Variants in RBMS3 observed in about 807,000 individuals in gnomAD.
RBMS3 encodes the protein RNA-binding motif, single-stranded-interacting protein 3.
Under a neutral mutation model 66.8 loss-of-function variants are expected in RBMS3, and 27 were observed. The observed-to-expected ratio is 0.40, with a 90% CI of 0.30 to 0.56. RBMS3 has a LOEUF of 0.56. RBMS3 is among the 20% of genes least tolerant of loss of function. RBMS3 has a pLI of 0.40. For missense variants in RBMS3, 513 were observed against 549.5 expected, an observed-to-expected ratio of 0.93 and a Z score of 0.66; for synonymous variants, 188 against 183.0, an observed-to-expected ratio of 1.03 and a Z score of -0.22.
chr3:29,349,160 T>C (rs1189995135), intron 1 of RBMS3, among the ~76,000 whole-genome samples: 2 of 152,184 alleles, frequency 1.3e-5, no homozygotes, highest in African/African-American at 4.8e-5. Flanking sequence ...ACATTGATGA[T>C]AGATTTTTCT....
chr3:29,426,566 T>G (rs571424733), intron 1 of RBMS3, among the ~76,000 whole-genome samples: 4 of 152,248 alleles, frequency 2.6e-5, no homozygotes, highest in Non-Finnish European at 4.4e-5. Flanking sequence ...AACAGAATTT[T>G]AATAAAAACT....
At chr3:29,589,145 C>T (rs2047638085) in intron 4 of RBMS3, among the ~76,000 whole-genome samples, 1 of 152,084 alleles carries the variant, frequency 6.6e-6, no homozygotes, top group Non-Finnish European at 1.5e-5. Context: ...TTTATAACTA[C>T]TGGGGAACCA....
At chr3:29,970,572 CTTTG>C (rs770531275) in intron 12 of RBMS3, among the ~76,000 whole-genome samples, 12 of 151,734 alleles carry the variant, frequency 7.9e-5, no homozygotes, top group African/African-American at 1.9e-4. Context: ...AATTTATTTT[CTTTG>C]TTTGAGAATG....
At position 29,451,128 on chromosome 3, in the gene RBMS3, G is replaced by A. The variant is rs150284470; in HGVS notation, c.248+16213G>A. ...GTTGGAATTAATTTCCAGATCCTGCGAATGTTTCTGACATCTTATACTCTT... is the reference window on the plus strand; with the variant it reads ...GTTGGAATTAATTTCCAGATCCTGCAAATGTTTCTGACATCTTATACTCTT... On this transcript the variant is annotated intron_variant, in intron 2 of 14. Coordinates refer to ENST00000383767, the MANE Select transcript of RBMS3 (RefSeq NM_001003793.3). 3.9e-5 allele frequency among the ~76,000 whole-genome samples: 6 copies of A among 152,266 alleles called. No homozygotes were observed. In the East Asian group the frequency reaches 5.8e-4, roughly 15 times the overall value.
intron 6 of RBMS3, among the ~76,000 whole-genome samples, chr3:29,796,553 A>G (rs373973815): frequency 2.0e-5 from 3 of 152,186 alleles, no homozygotes; most frequent in Non-Finnish European, 4.4e-5. Context: ...TTCTAAAACT[A>G]TAAGACTTGA....
intron 3 of RBMS3, among the ~76,000 whole-genome samples, chr3:29,547,849 T>C (rs976067504): frequency 4.7e-4 from 71 of 150,552 alleles, no homozygotes; most frequent in Admixed American, 8.0e-4. Flanking sequence ...TCTCATTCTG[T>C]TTTCCAGGCT....
At chr3:29,802,214 A>C (rs1559686791) in intron 6 of RBMS3, among the ~76,000 whole-genome samples, 2 of 152,204 alleles carry the variant, frequency 1.3e-5, no homozygotes, top group African/African-American at 2.4e-5. Context: ...GGATCAGCCC[A>C]GGAATCTACT....
intron 1 of RBMS3, among the ~76,000 whole-genome samples, chr3:29,424,469 T>G (rs1402721720): frequency 6.6e-6 from 1 of 152,194 alleles, no homozygotes; most frequent in Non-Finnish European, 1.5e-5. Flanking sequence ...TGGTGTGGTT[T>G]GAATGGTGAG....
At chr3:29,988,759 T>C (rs1698610650) in intron 13 of RBMS3, among the ~76,000 whole-genome samples, 2 of 152,164 alleles carry the variant, frequency 1.3e-5, no homozygotes, top group Admixed American at 1.3e-4. Context: ...AGTGAGACCC[T>C]GTCAGAAGGA....
chr3:29,744,531 C>T (rs1385516708), intron 5 of RBMS3, among the ~76,000 whole-genome samples: 7 of 152,142 alleles, frequency 4.6e-5, no homozygotes, highest in Non-Finnish European at 8.8e-5. Context: ...CACCTGTAAT[C>T]CCAGCACTTT....
chr3:29,477,062 T>C (rs532314907), intron 2 of RBMS3, among the ~76,000 whole-genome samples: 11 of 152,258 alleles, frequency 7.2e-5, no homozygotes, highest in African/African-American at 2.4e-4. Flanking sequence ...GTACACGGAA[T>C]TTCTCTTTTA....
intron 10 of RBMS3, among the ~76,000 whole-genome samples, chr3:29,903,934 T>A (rs969511340): frequency 1.4e-4 from 22 of 151,958 alleles, no homozygotes; most frequent in African/African-American, 5.1e-4. Flanking sequence ...AATATAAACT[T>A]CTTCTTTACA....
chr3:29,800,750 A>G (rs1263522405), intron 6 of RBMS3, among the ~76,000 whole-genome samples: 2 of 151,910 alleles, frequency 1.3e-5, no homozygotes, highest in Admixed American at 6.6e-5. Context: ...AGCAAAACAA[A>G]ACCTTTTCTT....
intron 4 of RBMS3, among the ~76,000 whole-genome samples, chr3:29,735,530 T>G (rs1448209596): frequency 1.3e-5 from 2 of 152,188 alleles, no homozygotes; most frequent in Non-Finnish European, 2.9e-5. Flanking sequence ...ATTGTAGTCA[T>G]ATACTTTTAC....
chr3:29,938,826 A>G (rs1022882699), intron 11 of RBMS3, among the ~76,000 whole-genome samples: 3 of 151,996 alleles, frequency 2.0e-5, no homozygotes, highest in African/African-American at 7.2e-5. Flanking sequence ...TTAGCTCTGC[A>G]TGTTTAGGCA....
intron 6 of RBMS3, among the ~76,000 whole-genome samples, chr3:29,811,814 C>T (rs1243114087): frequency 2.0e-5 from 3 of 152,066 alleles, no homozygotes; most frequent in African/African-American, 7.2e-5. Flanking sequence ...TTCTCACTTC[C>T]CCAGACTTCC....
At chr3:29,747,190 A>T (rs189636212) in intron 5 of RBMS3, among the ~76,000 whole-genome samples, 3 of 152,322 alleles carry the variant, frequency 2.0e-5, no homozygotes, top group Admixed American at 1.3e-4. Context: ...CTACACTCTC[A>T]GCTTTCTGTG....
chr3:29,840,848 A>T (rs1014184387), intron 6 of RBMS3, among the ~76,000 whole-genome samples: 1 of 151,912 alleles, frequency 6.6e-6, no homozygotes, highest in African/African-American at 2.4e-5. Context: ...GCTCCCATGC[A>T]TGGATTTATG....
chr3:29,529,427 T>C (rs539324686), intron 3 of RBMS3, among the ~76,000 whole-genome samples: 1 of 152,192 alleles, frequency 6.6e-6, no homozygotes, highest in Admixed American at 6.5e-5. Context: ...ACAATTTGCA[T>C]ACACGTTTTA....
Sources: allele counts gnomAD v4.1 joint callset (sites outside exome capture counted in the v4.1 genomes callset), GRCh38; gene constraint gnomAD v4.1.1; transcripts MANE v1.5; gene names NCBI Gene and HGNC (gene_info 2026-07-23, HGNC 2026-07-21).